The following CTNND2 variants were observed in gnomAD, a reference collection of about 807,000 sequenced individuals.
The protein encoded by CTNND2 is catenin delta-2.
In CTNND2, 22 loss-of-function variants were observed where a neutral mutation model predicts 144.4. That is an observed-to-expected ratio of 0.15 (90% CI 0.11 to 0.22). CTNND2 has a LOEUF of 0.22. CTNND2 is among the 10% of genes least tolerant of loss of function. The pLI is 1.00. For missense variants in CTNND2, 1,353 were observed against 1,618.8 expected, an observed-to-expected ratio of 0.84 and a Z score of 2.82; for synonymous variants, 751 against 695.6, an observed-to-expected ratio of 1.08 and a Z score of -1.25.
At chr5:11,215,325 C>T (rs61750759) in intron 10 of CTNND2, among the ~76,000 whole-genome samples, 7,475 of 152,214 alleles carry the variant, frequency 0.049, 498 homozygotes, top group African/African-American at 0.15. Context: ...TTTCTTACAG[C>T]TTTATCTTTT....
chr5:11,770,436 G>GAAGGAAGA (rs1789859137), intron 1 of CTNND2, among the ~76,000 whole-genome samples: 4 of 137,252 alleles, frequency 2.9e-5, no homozygotes, highest in African/African-American at 1.2e-4. Flanking sequence ...AGGAAGGAAG[G>GAAGGAAGA]AAGGAAGGAA....
intron 12 of CTNND2, among the ~76,000 whole-genome samples, chr5:11,129,121 T>TA (rs1479217647): frequency 1.2e-4 from 2 of 16,996 alleles, no homozygotes; most frequent in African/African-American, 3.5e-4. Context: ...ATATTATATA[T>TA]AATATATATT....
intron 5 of CTNND2, among the ~76,000 whole-genome samples, chr5:11,400,328 AC>A (rs1302736988): frequency 1.3e-5 from 2 of 152,184 alleles, no homozygotes; most frequent in African/African-American, 4.8e-5. Flanking sequence ...TTTCCAGTAG[AC>A]ATCTGAACTG....
intron 3 of CTNND2, among the ~76,000 whole-genome samples, chr5:11,482,878 G>C (rs1003533002): frequency 2.6e-5 from 4 of 152,210 alleles, no homozygotes; most frequent in African/African-American, 9.6e-5. Flanking sequence ...AGGGGAGAGA[G>C]CAGGGGGCAA....
intron 9 of CTNND2, among the ~76,000 whole-genome samples, chr5:11,346,103 C>T (rs564676205): frequency 1.1e-3 from 172 of 152,116 alleles, no homozygotes; most frequent in African/African-American, 3.9e-3. Context: ...GTATTAAAGA[C>T]GGCTGTTTAC....
chr5:11,601,624 AAT>A lies in CTNND2; in HGVS notation c.175-36570_175-36569del, dbSNP rs745413832. Among the ~76,000 whole-genome samples, 5 of 152,268 alleles carry A rather than the reference AAT, an allele frequency of 3.3e-5. No homozygotes were observed. In the South Asian group the frequency reaches 6.2e-4, roughly 19 times the overall value. ...TTAATAACATATTTTTCTAAATGAG[AAT>A]ATGTCATAATAATACATAAATATAT... On this transcript the variant is annotated intron_variant, in intron 2 of 21. Transcript: ENST00000304623.
chr5:11,344,653 A>C (rs1339129090), intron 9 of CTNND2, among the ~76,000 whole-genome samples: 1 of 152,172 alleles, frequency 6.6e-6, no homozygotes. Context: ...TTTGACGCAT[A>C]CAAAAGCTTA....
At chr5:11,802,034 A>T (rs1008145913) in intron 1 of CTNND2, among the ~76,000 whole-genome samples, 1 of 152,106 alleles carries the variant, frequency 6.6e-6, no homozygotes, top group Non-Finnish European at 1.5e-5. Context: ...GCACTTTAGG[A>T]GGCCAAGGCA....
chr5:11,692,525 G>C (rs1784954631), intron 2 of CTNND2, among the ~76,000 whole-genome samples: 1 of 152,196 alleles, frequency 6.6e-6, no homozygotes, highest in African/African-American at 2.4e-5. Flanking sequence ...TGAGGATGTG[G>C]AATAGCTCAA....
intron 1 of CTNND2, among the ~76,000 whole-genome samples, chr5:11,836,965 A>G (rs1185219087): frequency 1.3e-5 from 2 of 152,202 alleles, no homozygotes; most frequent in Non-Finnish European, 2.9e-5. Context: ...GGTCAGCAGC[A>G]GTAAAGGGAA....
At chr5:11,257,851 A>G (rs942006042) in intron 9 of CTNND2, among the ~76,000 whole-genome samples, 1 of 152,176 alleles carries the variant, frequency 6.6e-6, no homozygotes. Context: ...ATAGCTCTGC[A>G]ATACTGCACT....
intron 1 of CTNND2, among the ~76,000 whole-genome samples, chr5:11,871,053 T>C (rs1735070040): frequency 6.6e-6 from 1 of 152,160 alleles, no homozygotes; most frequent in African/African-American, 2.4e-5. Context: ...TGAATGGGAT[T>C]TGCCCTCTTG....
At chr5:11,257,063 A>C (rs1421051575) in intron 9 of CTNND2, among the ~76,000 whole-genome samples, 1 of 152,232 alleles carries the variant, frequency 6.6e-6, no homozygotes, top group Non-Finnish European at 1.5e-5. Context: ...CAGCAAGAGA[A>C]AGGTCACAGG....
At chr5:11,614,704 G>C (rs922703872) in intron 2 of CTNND2, among the ~76,000 whole-genome samples, 1 of 152,180 alleles carries the variant, frequency 6.6e-6, no homozygotes, top group African/African-American at 2.4e-5. Flanking sequence ...GGGCAGTGAT[G>C]AACTACAGTG....
chr5:11,011,301 C>A (rs1263810830), intron 18 of CTNND2, among the ~76,000 whole-genome samples: 1 of 152,180 alleles, frequency 6.6e-6, no homozygotes, highest in African/African-American at 2.4e-5. Flanking sequence ...GCAGCCTCCA[C>A]CTCTTGGGTT....
chr5:11,494,578 A>G (rs994064331), intron 3 of CTNND2, among the ~76,000 whole-genome samples: 2 of 152,218 alleles, frequency 1.3e-5, no homozygotes, highest in African/African-American at 4.8e-5. Flanking sequence ...AAAATTTGCA[A>G]TAAAAATGAG....
intron 9 of CTNND2, among the ~76,000 whole-genome samples, chr5:11,294,334 G>T (rs1404418813): frequency 6.6e-6 from 1 of 152,080 alleles, no homozygotes; most frequent in Non-Finnish European, 1.5e-5. Flanking sequence ...GTTTCCAATG[G>T]TTCTCTCCCA....
In CTNND2 at chr5:11,110,918, C is replaced by G; in HGVS notation, c.2403G>C (p.Lys801Asn). The change falls in exon 14 of 22, where the codon AAG (lysine) becomes AAC (asparagine). Residue 801 changes from lysine (K) to asparagine (N), a missense_variant. Physicochemically the swap from Lys to Asn is moderately conservative, Grantham distance 94 (BLOSUM62 0). Transcript: ENST00000304623. ...CCCAGCACCCAGAGCTCTCAGCATC[C>G]TTGCCATTGGCCTCGCCACAGAGTA... ...DGLLCGEANGKDAESSGCWGK... is the reference protein window; with the variant it reads ...DGLLCGEANGNDAESSGCWGK... 6.2e-7 allele frequency: 1 copy of G among 1,614,142 alleles called. No individual in the cohort carries two copies. Among genetic ancestry groups the G allele is most frequent in the East Asian group, 2.2e-5 (1 of 44,886 alleles).
intron 14 of CTNND2, among the ~76,000 whole-genome samples, chr5:11,105,087 T>C (rs1031275765): frequency 1.3e-5 from 2 of 152,194 alleles, no homozygotes; most frequent in East Asian, 1.9e-4. Flanking sequence ...TGACTGGGCC[T>C]GCCTGTCCCT....
Sources: gnomAD v4.1 joint callset for allele counts (sites outside exome capture counted in the v4.1 genomes callset) on GRCh38, gnomAD v4.1.1 for gene constraint, MANE v1.5 for transcripts, NCBI Gene and HGNC (gene_info 2026-07-23, HGNC 2026-07-21) for gene names.